GPR89B: variants seen among roughly 807,000 people sequenced by gnomAD.
GPR89B encodes G protein-coupled receptor 89B.
Under a neutral mutation model 52.4 loss-of-function variants are expected in GPR89B, and 25 were observed. The ratio of observed to expected loss-of-function variants is 0.48; its 90% CI spans 0.35 to 0.67. The LOEUF is 0.67. Among genes scored for constraint, GPR89B ranks in the 30% least tolerant of loss-of-function variants. The probability of loss-of-function intolerance (pLI) is 0.01; values close to 1 mark genes in which losing one functional copy is unlikely to be tolerated. For missense variants in GPR89B, 146 were observed against 450.2 expected (o/e 0.32, Z 6.11); for synonymous variants, 52 against 151.2 (o/e 0.34, Z 4.81).
intron 5 of GPR89B, among the ~76,000 whole-genome samples, chr1:147,951,625 C>G (rs587677185): frequency 1.3e-5 from 2 of 151,818 alleles, no homozygotes; most frequent in South Asian, 4.2e-4. Context: ...AGAGAGGAGA[C>G]AGATGATGGA....
At chr1:147,967,868 A>G (rs1657144077) in intron 8 of GPR89B, 1 of 177,820 alleles carries the variant, frequency 5.6e-6, no homozygotes, top group South Asian at 1.1e-4. Flanking sequence ...CTCCTCAAGG[A>G]GCTTACCCTC....
At chr1:148,002,652 C>T in the GPR89B span, among the ~76,000 whole-genome samples, 1 of 152,072 alleles carries the variant, frequency 6.6e-6, no homozygotes, top group Non-Finnish European at 1.5e-5. Flanking sequence ...GTTCTTCTCC[C>T]TTATACTGCT....
intron 1 of GPR89B, among the ~76,000 whole-genome samples, chr1:147,935,933 G>A (rs782458501): frequency 2.6e-5 from 4 of 151,966 alleles, no homozygotes; most frequent in Non-Finnish European, 5.9e-5. Flanking sequence ...TGTAGAGACG[G>A]GTTTTCACCA....
chr1:147,999,474 C>A, the GPR89B span, among the ~76,000 whole-genome samples: 4,262 of 144,372 alleles, frequency 0.03, 70 homozygotes, highest in African/African-American at 0.044. Flanking sequence ...TGGTGCGCAC[C>A]TGTAATTCCA....
At chr1:148,017,213 T>C in the GPR89B span, among the ~76,000 whole-genome samples, 2 of 151,440 alleles carry the variant, frequency 1.3e-5, no homozygotes, top group South Asian at 2.1e-4. Context: ...AGGTAATTTT[T>C]TGTATTTTTA....
At position 147,992,992 on chromosome 1, in the gene GPR89B, A is replaced by G; in HGVS notation, c.*75A>G. ...TATAAGAGGGGGGAAAAATGGAACC[A>G]GGGCCTGACATTTTATAAACAAACA... is the stretch of plus-strand genomic sequence containing the variant. On this transcript the variant is annotated 3_prime_UTR_variant, in exon 14 of 14. Transcript: ENST00000314163. 1 of 1,354,832 alleles carries G rather than the reference A, an allele frequency of 7.4e-7. No individual in the cohort carries two copies. Among genetic ancestry groups the G allele is most frequent in the Admixed American group, 2.8e-5 (1 of 35,218 alleles). 83.9% of individuals were successfully genotyped at this position (1,354,832 alleles called of 1,614,324 possible).
chr1:147,938,098 C>T (rs1359768490), intron 2 of GPR89B, among the ~76,000 whole-genome samples: 3 of 152,054 alleles, frequency 2.0e-5, no homozygotes. Context: ...GGGTCCCTGA[C>T]TTCCCGCAAC....
chr1:148,012,782 G>T, the GPR89B span, among the ~76,000 whole-genome samples: 1 of 151,942 alleles, frequency 6.6e-6, no homozygotes, highest in East Asian at 1.9e-4. Flanking sequence ...CATTTTCACT[G>T]AAGGCTTTGA....
chr1:147,951,853 A>G (rs1655737754), intron 5 of GPR89B, among the ~76,000 whole-genome samples: 1 of 151,712 alleles, frequency 6.6e-6, no homozygotes, highest in Admixed American at 6.6e-5. Context: ...GCACAAGTGG[A>G]GAAGTTAGCT....
chr1:147,970,491 A>ATCTCTCTCTCTCTCTCTCTC (rs1174595676), intron 10 of GPR89B, among the ~76,000 whole-genome samples: 70 of 105,638 alleles, frequency 6.6e-4, no homozygotes, highest in East Asian at 1.7e-3. Flanking sequence ...GTGAGACTCC[A>ATCTCTCTCTCTCTCTCTCTC]TCTCTCTCTC....
At chr1:147,969,642 T>C in intron 9 of GPR89B, 2 of 551,874 alleles carry the variant, frequency 3.6e-6, no homozygotes, top group Non-Finnish European at 6.3e-6. Flanking sequence ...TAAGAGTTGT[T>C]ATGAAGATTA....
chr1:147,948,778 T>TA (rs1655228987), intron 5 of GPR89B, among the ~76,000 whole-genome samples: 1 of 145,360 alleles, frequency 6.9e-6, no homozygotes, highest in Non-Finnish European at 1.5e-5. Context: ...TTTTTTTTTT[T>TA]AATTGATCAT....
At chr1:147,934,115 A>G (rs1653884039) in intron 1 of GPR89B, among the ~76,000 whole-genome samples, 1 of 150,886 alleles carries the variant, frequency 6.6e-6, no homozygotes, top group Non-Finnish European at 1.5e-5. Flanking sequence ...GCCCTTTGCT[A>G]TCTGGAAAGC....
At chr1:147,946,008 G>T (rs1654943023) in intron 5 of GPR89B, among the ~76,000 whole-genome samples, 1 of 151,954 alleles carries the variant, frequency 6.6e-6, no homozygotes, top group Admixed American at 6.6e-5. Flanking sequence ...TTACAAGTAT[G>T]AGCCACCACA....
chr1:147,984,723 ATT>A (rs1460167611), intron 10 of GPR89B, among the ~76,000 whole-genome samples: 1 of 148,880 alleles, frequency 6.7e-6, no homozygotes, highest in African/African-American at 2.5e-5. Flanking sequence ...TTCTCATTCA[ATT>A]CAAAATGCTT....
At chr1:147,980,640 C>T (rs1263495198) in intron 10 of GPR89B, among the ~76,000 whole-genome samples, 2 of 147,820 alleles carry the variant, frequency 1.4e-5, no homozygotes, top group African/African-American at 5.0e-5. Flanking sequence ...ATAACCATTA[C>T]CACAATCAAT....
At chr1:147,955,226 A>G (rs1386591917) in intron 7 of GPR89B, among the ~76,000 whole-genome samples, 1 of 152,022 alleles carries the variant, frequency 6.6e-6, no homozygotes, top group African/African-American at 2.4e-5. Flanking sequence ...GTTGTCACAA[A>G]TGAAAGAATT....
At chr1:147,972,802 C>T (rs1657566460) in intron 10 of GPR89B, among the ~76,000 whole-genome samples, 1 of 148,684 alleles carries the variant, frequency 6.7e-6, no homozygotes, top group Non-Finnish European at 1.5e-5. Flanking sequence ...TTCCCTGATG[C>T]TCTCCCTCCC....
At chr1:147,973,281 T>C (rs1657606442) in intron 10 of GPR89B, among the ~76,000 whole-genome samples, 1 of 152,052 alleles carries the variant, frequency 6.6e-6, no homozygotes, top group South Asian at 2.1e-4. Context: ...CCACCAACAG[T>C]GTAAAAGCGT....
Sources: allele counts gnomAD v4.1 joint callset (sites outside exome capture counted in the v4.1 genomes callset), GRCh38; gene constraint gnomAD v4.1.1; transcripts MANE v1.5; gene names NCBI Gene and HGNC (gene_info 2026-07-23, HGNC 2026-07-21).